Variants in HERC2 observed in about 807,000 individuals in gnomAD.
HERC2 encodes the protein E3 ubiquitin-protein ligase HERC2.
A neutral mutation model predicts 537.7 loss-of-function variants in HERC2; 102 were observed. The ratio of observed to expected loss-of-function variants is 0.19; its 90% confidence interval spans 0.16 to 0.22. The LOEUF (loss-of-function observed/expected upper bound fraction) is 0.22, where lower values mean the gene tolerates loss of function less well. Among genes scored for constraint, HERC2 ranks in the 10% least tolerant of loss-of-function variants. HERC2 has a pLI of 1.00. For missense variants in HERC2, 4,236 were observed against 6,198.2 expected, an observed-to-expected ratio of 0.68 and a Z score of 10.63; for synonymous variants, 2,224 against 2,466.2, an observed-to-expected ratio of 0.90 and a Z score of 2.91.
At chr15:28,269,194 G>C in intron 11 of HERC2, 54 bp downstream of exon 11, 5 of 1,473,004 alleles carry the variant, frequency 3.4e-6, no homozygotes, top group Non-Finnish European at 4.7e-6. Flanking sequence ...GCATCTGTAG[G>C]ACAGACCCTG....
At chr15:28,281,415 G>A (rs1287696306) in intron 4 of HERC2, among the ~76,000 whole-genome samples, 1 of 152,164 alleles carries the variant, frequency 6.6e-6, no homozygotes, top group African/African-American at 2.4e-5. Flanking sequence ...CCTCTCTGCT[G>A]CTTACTAGCC....
chr15:28,185,976 C>A (rs1896270289), intron 56 of HERC2, among the ~76,000 whole-genome samples: 1 of 152,098 alleles, frequency 6.6e-6, no homozygotes. Context: ...TCACAGTGCT[C>A]AGATAAAATA....
Position 28,265,525 on chromosome 15 carries a change from T to G in HERC2, c.1870+93A>C. 9.6e-7 allele frequency: 1 copy of G among 1,037,330 alleles called. No homozygotes were observed. Among genetic ancestry groups the G allele is most frequent in the South Asian group, 1.4e-5 (1 of 70,504 alleles). 64.3% of individuals were successfully genotyped at this position (1,037,330 alleles called of 1,614,324 possible). ...CCACTGGGCGACAGGGTGGGTGGCC[T>G]CGTGAGGCCCACTGTACTCATCTCA... On this transcript the variant is annotated intron_variant, in intron 14 of 92. Coordinates refer to ENST00000261609, the MANE Select transcript of HERC2 (RefSeq NM_004667.6). The surrounding 1 kb of genome is among the most constrained non-coding windows in gnomAD (Gnocchi z 4.0).
rs141754911 is a variant in HERC2 at position 28,114,644 on chromosome 15, G to A, written c.13881C>T (p.Arg4627=). 4.8e-5 allele frequency: 77 copies of A among 1,613,988 alleles called. No individual in the cohort carries two copies. The African/African-American group carries it at 7.9e-4, about 16-fold the overall frequency. The change falls in exon 90 of 93, where the codon CGC becomes CGT. Residue 4627 remains arginine (R), a synonymous_variant. Transcript: ENST00000261609. ...TTATCGCCAGCCGCACGTACTCCGC[G>A]CGGTTGTCCAGGGTGATGTGTGTGT... ...SKHTHITLDN[R]AEYVRLAINY... is the part of the protein sequence containing the mutation.
intron 2 of HERC2, among the ~76,000 whole-genome samples, chr15:28,313,694 C>T (rs115681399): frequency 8.5e-3 from 1,291 of 151,942 alleles, no homozygotes; most frequent in African/African-American, 0.03. Flanking sequence ...ATCTATTGAA[C>T]GTAGGACAAC....
intron 69 of HERC2, among the ~76,000 whole-genome samples, chr15:28,156,146 T>C (rs541883641): frequency 3.3e-5 from 5 of 152,256 alleles, no homozygotes; most frequent in Non-Finnish European, 7.3e-5. Flanking sequence ...ACCAGTACCA[T>C]GCTGTTTTGG....
intron 4 of HERC2, among the ~76,000 whole-genome samples, chr15:28,286,998 C>T (rs1217331886): frequency 1.3e-5 from 2 of 152,104 alleles, no homozygotes; most frequent in East Asian, 1.9e-4. Flanking sequence ...TGATAAAGCA[C>T]GTGGGATAAT....
intron 31 of HERC2, 121 bp from the exon 32 acceptor site, chr15:28,229,968 A>G: frequency 2.6e-6 from 2 of 771,402 alleles, no homozygotes; most frequent in Non-Finnish European, 4.4e-6. Flanking sequence ...AAATTTAGTA[A>G]TACATGGTTT....
intron 52 of HERC2, among the ~76,000 whole-genome samples, chr15:28,194,695 T>C (rs912323768): frequency 2.0e-5 from 3 of 152,234 alleles, no homozygotes; most frequent in Admixed American, 1.3e-4. Context: ...CTGGATTTTA[T>C]GAACATTTTC....
At chr15:28,181,026 C>T (rs184582032) in intron 57 of HERC2, among the ~76,000 whole-genome samples, 2 of 152,316 alleles carry the variant, frequency 1.3e-5, no homozygotes, top group Admixed American at 1.3e-4. Flanking sequence ...TAAAAACACA[C>T]ACCTGTAGAC....
chr15:28,232,118 C>T (rs1185924965), intron 30 of HERC2, among the ~76,000 whole-genome samples: 1 of 152,192 alleles, frequency 6.6e-6, no homozygotes, highest in Admixed American at 6.5e-5. Flanking sequence ...TGTTCAGGAA[C>T]AATCAAATTA....
chr15:28,213,690 G>A (rs1156965359), intron 42 of HERC2, 52 bp downstream of exon 42: 2 of 1,612,202 alleles, frequency 1.2e-6, no homozygotes, highest in Non-Finnish European at 8.5e-7. Flanking sequence ...CTCGGTTCTA[G>A]TGTAAAGTCA....
chr15:28,255,956 G>C lies in HERC2; in HGVS notation c.2787C>G (p.Phe929Leu), dbSNP rs757391267. The C allele has an allele frequency of 6.2e-7, 1 of 1,606,150 alleles. No individual in the cohort carries two copies. Among genetic ancestry groups the C allele is most frequent in the Non-Finnish European group, 8.5e-7 (1 of 1,179,816 alleles). Residue 929 changes from phenylalanine to leucine, a missense_variant, in exon 19 of 93, where the codon TTC (phenylalanine) becomes TTG (leucine). Physicochemically the swap from Phe to Leu is conservative, Grantham distance 22 (BLOSUM62 0). Coordinates refer to ENST00000261609, the MANE Select transcript of HERC2 (RefSeq NM_004667.6). ...NEVNISPGRR[F>L]MIDLLVGSLM... is the part of the protein sequence containing the mutation. ...AGCTGCCCACCAGAAGATCAATCAT[G>C]AATCGACGACCTGGACTTATGTTCA...
intron 78 of HERC2, among the ~76,000 whole-genome samples, 179 bp downstream of exon 78, chr15:28,141,253 T>A (rs79450508): frequency 2.6e-5 from 4 of 151,892 alleles, no homozygotes; most frequent in African/African-American, 4.8e-5. Flanking sequence ...TTTTTTTTTT[T>A]AATTTAAAGA....
intron 89 of HERC2, 149 bp from the exon 90 acceptor site, chr15:28,114,951 A>G (rs1209696897): frequency 4.8e-6 from 3 of 621,828 alleles, no homozygotes; most frequent in African/African-American, 1.8e-5. Context: ...ACACCAAGAT[A>G]TAAGAGGAGC....
chr15:28,181,965 G>C (rs993150775), intron 57 of HERC2, among the ~76,000 whole-genome samples: 2 of 152,162 alleles, frequency 1.3e-5, no homozygotes, highest in African/African-American at 2.4e-5. Flanking sequence ...CTCTGTGCTC[G>C]CAAAGCGTTC....
intron 12 of HERC2, among the ~76,000 whole-genome samples, chr15:28,267,492 A>G (rs1391461176): frequency 2.0e-5 from 3 of 152,208 alleles, no homozygotes; most frequent in Non-Finnish European, 4.4e-5. Flanking sequence ...AGTCCCGTGT[A>G]CCCCATGTCA....
At chr15:28,114,224 GCA>G (rs1887974920) in intron 90 of HERC2, among the ~76,000 whole-genome samples, 2 of 152,184 alleles carry the variant, frequency 1.3e-5, no homozygotes, top group African/African-American at 4.8e-5. Context: ...AAAGGACCGT[GCA>G]CAGTCACACC....
chr15:28,257,661 G>A (rs2075301912), intron 16 of HERC2, among the ~76,000 whole-genome samples: 1 of 152,024 alleles, frequency 6.6e-6, no homozygotes, highest in South Asian at 2.1e-4. Flanking sequence ...TAATCGGCAA[G>A]GATCTAAGAG....
Sources: gnomAD v4.1 joint callset for allele counts (sites outside exome capture counted in the v4.1 genomes callset) on GRCh38, gnomAD v4.1.1 for gene constraint, Gnocchi (gnomAD v3.1) non-coding constraint, MANE v1.5 for transcripts, NCBI Gene and HGNC (gene_info 2026-07-23, HGNC 2026-07-21) for gene names.